Variants in PTPRG observed in about 807,000 individuals in gnomAD.
PTPRG encodes the protein protein tyrosine phosphatase receptor type G.
PTPRG carries 102 observed loss-of-function variants against 165.3 expected under a neutral mutation model. The observed-to-expected ratio is 0.62, with a 90% CI of 0.53 to 0.73. PTPRG has a LOEUF of 0.73. PTPRG is among the 30% of genes least tolerant of loss of function. The pLI, the probability that PTPRG is intolerant of heterozygous loss-of-function variation, is 0.00. For missense variants in PTPRG, 1,866 were observed against 1,861.4 expected, an observed-to-expected ratio of 1.00 and a Z score of -0.05; for synonymous variants, 675 against 669.5, an observed-to-expected ratio of 1.01 and a Z score of -0.13.
intron 2 of PTPRG, among the ~76,000 whole-genome samples, chr3:61,913,417 C>T (rs2038852275): frequency 6.6e-6 from 1 of 152,086 alleles, no homozygotes; most frequent in Non-Finnish European, 1.5e-5. Flanking sequence ...GACGGGATTT[C>T]GCTGTGCTAG....
At chr3:62,121,274 T>A (rs1703061514) in intron 5 of PTPRG, among the ~76,000 whole-genome samples, 1 of 151,944 alleles carries the variant, frequency 6.6e-6, no homozygotes, top group African/African-American at 2.4e-5. Flanking sequence ...CTTTTAAGGA[T>A]CTTGGATGTG....
chr3:61,847,252 A>C (rs2036833041), intron 2 of PTPRG, among the ~76,000 whole-genome samples: 1 of 152,108 alleles, frequency 6.6e-6, no homozygotes, highest in Non-Finnish European at 1.5e-5. Context: ...ACACGGGGAG[A>C]ACACCACACA....
chr3:62,260,836 A>C (rs1701673944), intron 16 of PTPRG: 1 of 152,226 alleles, frequency 6.6e-6, no homozygotes, highest in African/African-American at 2.4e-5. Context: ...CAAAATCAGA[A>C]GGCCTCAGGC....
intron 2 of PTPRG, among the ~76,000 whole-genome samples, chr3:61,752,223 G>A (rs1247685449): frequency 6.6e-6 from 1 of 152,098 alleles, no homozygotes; most frequent in South Asian, 2.1e-4. Context: ...TGGGATTTGG[G>A]CATGAGGGTT....
At chr3:61,593,656 T>C (rs375435357) in intron 1 of PTPRG, among the ~76,000 whole-genome samples, 1 of 151,010 alleles carries the variant, frequency 6.6e-6, no homozygotes, top group Admixed American at 6.6e-5. Context: ...TCCTTTCAGA[T>C]TGAGGCATTT....
intron 1 of PTPRG, among the ~76,000 whole-genome samples, chr3:61,571,266 C>T (rs534504475): frequency 3.9e-5 from 6 of 152,130 alleles, no homozygotes; most frequent in East Asian, 1.9e-4. Flanking sequence ...GCGCGGGGAG[C>T]GGTGGGGGGC....
rs543761447 is a variant in PTPRG at position 62,152,909 on chromosome 3, C to T, written c.683-4158C>T. ...ATGACCGAAGGCCAAATCCATTCTACTGTCTATTTTTGTATGGCCCCTGGG... is the reference window on the plus strand; with the variant it reads ...ATGACCGAAGGCCAAATCCATTCTATTGTCTATTTTTGTATGGCCCCTGGG... On this transcript the variant is annotated intron_variant, in intron 6 of 29. Transcript: ENST00000474889. Among the ~76,000 whole-genome samples, 5 of 152,300 alleles carry T rather than the reference C, an allele frequency of 3.3e-5. 1 individual carries two copies. The highest frequency in any genetic ancestry group is 3.4e-3 in the Middle Eastern group (1 of 294).
intron 12 of PTPRG, among the ~76,000 whole-genome samples, chr3:62,206,675 G>T (rs1700237134): frequency 1.3e-5 from 2 of 152,068 alleles, no homozygotes; most frequent in African/African-American, 4.8e-5. Flanking sequence ...GCTCACTCCT[G>T]TAGTCCCAGG....
intron 4 of PTPRG, among the ~76,000 whole-genome samples, chr3:62,065,166 G>A (rs919333664): frequency 6.6e-6 from 1 of 152,106 alleles, no homozygotes; most frequent in Non-Finnish European, 1.5e-5. Context: ...GTAAAAAAAT[G>A]TGTGTAATCT....
intron 2 of PTPRG, among the ~76,000 whole-genome samples, chr3:61,796,815 T>C (rs2107151291): frequency 6.6e-6 from 1 of 152,306 alleles, no homozygotes; most frequent in African/African-American, 2.4e-5. Flanking sequence ...CAAGGCAAGA[T>C]TTTGTTTCTC....
intron 6 of PTPRG, among the ~76,000 whole-genome samples, chr3:62,145,101 C>T (rs1391592956): frequency 1.3e-5 from 2 of 152,102 alleles, no homozygotes; most frequent in Non-Finnish European, 1.5e-5. Flanking sequence ...TTAACCTGCT[C>T]GCCTGCTCTA....
intron 28 of PTPRG, among the ~76,000 whole-genome samples, chr3:62,287,242 TC>T (rs1031316927): frequency 4.6e-5 from 7 of 152,126 alleles, no homozygotes; most frequent in Admixed American, 3.9e-4. Context: ...GTTAAATTCT[TC>T]CCCTCCTAAA....
intron 1 of PTPRG, among the ~76,000 whole-genome samples, chr3:61,691,035 A>G (rs1217481300): frequency 1.3e-5 from 2 of 152,212 alleles, no homozygotes; most frequent in African/African-American, 4.8e-5. Context: ...GCACGCCATC[A>G]ATGTGGAATA....
rs1700587540 is a variant in PTPRG, at chr3:62,219,099, T to C, written c.2288+116T>C. 11 of 1,402,554 alleles carry C rather than the reference T, an allele frequency of 7.8e-6. No individual in the cohort carries two copies. The highest frequency in any genetic ancestry group is 1.1e-5 in the Non-Finnish European group (11 of 1,036,734). The allele number at this position is 1,402,554 out of a possible 1,614,324, so 86.9% of individuals were successfully genotyped here. A position where few individuals can be genotyped will look rare whatever the true frequency, so the allele number is the denominator to read the frequency against. On this transcript the variant is annotated intron_variant, in intron 13 of 29. Transcript: ENST00000474889. The surrounding 1 kb of genome is among the most constrained non-coding windows in gnomAD (Gnocchi z 4.5). ...CAGGAAGGTGAGGTAGCTTAAGTGT[T>C]TCTGGTCTTGCCACCCGGAAGGCCA...
chr3:61,998,783 A>G (rs1357863279), intron 3 of PTPRG, among the ~76,000 whole-genome samples: 1 of 152,216 alleles, frequency 6.6e-6, no homozygotes, highest in African/African-American at 2.4e-5. Flanking sequence ...TAATCACAGC[A>G]AGGATAGTTC....
chr3:62,210,041 A>G lies in PTPRG; in HGVS notation c.2155+6091A>G, dbSNP rs1452502464. 6.6e-6 allele frequency among the ~76,000 whole-genome samples: 1 copy of G among 152,112 alleles called. No individual in the cohort carries two copies. Among genetic ancestry groups the G allele is most frequent in the Non-Finnish European group, 1.5e-5 (1 of 68,022 alleles). On this transcript the variant is annotated intron_variant, in intron 12 of 29. Coordinates refer to ENST00000474889, the MANE Select transcript of PTPRG (RefSeq NM_002841.4). The surrounding 1 kb of genome is among the most constrained non-coding windows in gnomAD (Gnocchi z 4.1). ...TTTAGGGGCTTGGAATTAAATTAGG[A>G]TTTATCAAATGCCTCCCCACTTTCC...
chr3:62,141,045 C>T (rs1703908797), intron 6 of PTPRG, among the ~76,000 whole-genome samples: 2 of 151,964 alleles, frequency 1.3e-5, no homozygotes, highest in African/African-American at 4.8e-5. Context: ...TAAAGAATAG[C>T]TCATATATAT....
chr3:62,277,720 G>C, intron 26 of PTPRG, 41 bp downstream of exon 26: 2 of 1,605,150 alleles, frequency 1.2e-6, no homozygotes, highest in Non-Finnish European at 1.7e-6. Context: ...GAGCCCATGA[G>C]GCTACAAGCA....
chr3:61,879,837 A>T (rs368504267), intron 2 of PTPRG, among the ~76,000 whole-genome samples: 1 of 152,168 alleles, frequency 6.6e-6, no homozygotes, highest in Non-Finnish European at 1.5e-5. Flanking sequence ...ATCTGTATGT[A>T]TATTTTTATC....
Sources: allele counts gnomAD v4.1 joint callset (sites outside exome capture counted in the v4.1 genomes callset), GRCh38; gene constraint gnomAD v4.1.1; non-coding constraint Gnocchi (gnomAD v3.1); transcripts MANE v1.5; gene names NCBI Gene and HGNC (gene_info 2026-07-23, HGNC 2026-07-21).